Variants in STAG2 observed in about 807,000 individuals in gnomAD.
STAG2 encodes STAG2 cohesin complex component.
STAG2 carries 14 observed loss-of-function variants against 108.1 expected under a neutral mutation model. The ratio of observed to expected loss-of-function variants is 0.13; its 90% CI spans 0.09 to 0.20. The LOEUF is 0.20. Among genes scored for constraint, STAG2 ranks in the 10% least tolerant of loss-of-function variants. STAG2 has a pLI of 1.00. For synonymous variants in STAG2, 307 were observed against 302.7 expected (o/e 1.01, Z -0.15); for missense variants, 440 against 940.9 (o/e 0.47, Z 6.96).
Position 124,100,883 on chromosome X carries a change from TAAA to T in STAG2, c.*299_*301del. The T allele has an allele frequency of 6.0e-5, 10 of 167,703 alleles. No homozygotes were observed. Among genetic ancestry groups the T allele is most frequent in the East Asian group, 9.1e-5 (1 of 11,041 alleles). 13.8% of individuals were successfully genotyped at this position (167,703 alleles called of 1,213,427 possible). A position where few individuals can be genotyped will look rare whatever the true frequency, so the allele number is the denominator to read the frequency against. On this transcript the variant is annotated 3_prime_UTR_variant, in exon 35 of 35. Transcript: ENST00000371145. ...GAATCGATTATTTCATGCTTTTTTT[TAAA>T]AAAAAAAAAAAACAAAATAACAATC...
intron 13 of STAG2, among the ~76,000 whole-genome samples, chrX:124,054,606 C>T (rs930650585): frequency 4.5e-5 from 5 of 112,056 alleles, no homozygotes; most frequent in African/African-American, 1.6e-4. Context: ...CATCTTCTTT[C>T]TGATATTTTT....
chrX:124,042,089 G>A (rs1364312875), intron 6 of STAG2, among the ~76,000 whole-genome samples: 2 of 111,247 alleles, frequency 1.8e-5, no homozygotes, highest in South Asian at 3.8e-4. Context: ...CTCTTTTAGA[G>A]GATATTAGGA....
intron 25 of STAG2, among the ~76,000 whole-genome samples, chrX:124,073,612 G>A (rs891617782): frequency 1.8e-5 from 2 of 111,539 alleles, no homozygotes; most frequent in Non-Finnish European, 1.9e-5. Flanking sequence ...TAGTAGAGAC[G>A]AGGTCTCGCT....
At chrX:123,969,521 A>G (rs2054251943) in intron 1 of STAG2, among the ~76,000 whole-genome samples, 1 of 111,221 alleles carries the variant, frequency 9.0e-6, no homozygotes. Flanking sequence ...TATACTTCCT[A>G]TTTTAGTTCA....
At chrX:123,999,609 T>A (rs78161407) in intron 1 of STAG2, among the ~76,000 whole-genome samples, 3,688 of 110,833 alleles carry the variant, frequency 0.033, 63 homozygotes, top group Non-Finnish European at 0.048. Context: ...CATGTATGCC[T>A]AATTTTTTTG....
chrX:124,076,942 A>G (rs2058816181), intron 26 of STAG2, among the ~76,000 whole-genome samples: 1 of 110,700 alleles, frequency 9.0e-6, no homozygotes, highest in Admixed American at 9.8e-5. Context: ...GTCTGATTTG[A>G]TTAACCATAG....
At chrX:124,056,424 T>G (rs2058197082) in intron 14 of STAG2, among the ~76,000 whole-genome samples, 189 bp downstream of exon 14, 1 of 111,111 alleles carries the variant, frequency 9.0e-6, no homozygotes, top group East Asian at 2.8e-4. Flanking sequence ...TTGATTTATT[T>G]TAAGTTAGAT....
At chrX:123,973,549 AAAAAAAAAAAAT>A (rs2054472266) in intron 1 of STAG2, among the ~76,000 whole-genome samples, 1 of 103,515 alleles carries the variant, frequency 9.7e-6, no homozygotes, top group African/African-American at 3.6e-5. Context: ...TCAAAAAAAA[AAAAAAAAAAAAT>A]AGACTGGGCG....
chrX:124,024,350 T>C (rs1196876690), intron 3 of STAG2, among the ~76,000 whole-genome samples: 1 of 111,365 alleles, frequency 9.0e-6, no homozygotes, highest in Non-Finnish European at 1.9e-5. Flanking sequence ...ATATTACTTA[T>C]ACATCAAGAT....
chrX:123,986,107 ATG>A (rs1246479417), intron 1 of STAG2, among the ~76,000 whole-genome samples: 1 of 105,751 alleles, frequency 9.5e-6, no homozygotes, highest in African/African-American at 3.4e-5. Flanking sequence ...TCATGTATAT[ATG>A]CATGTATCTA....
chrX:123,993,202 A>G (rs1463468737), intron 1 of STAG2, among the ~76,000 whole-genome samples: 1 of 111,399 alleles, frequency 9.0e-6, no homozygotes, highest in Non-Finnish European at 1.9e-5. Context: ...ACAGTGACTC[A>G]CACCTGTAAT....
intron 1 of STAG2, among the ~76,000 whole-genome samples, chrX:124,017,008 T>C (rs968233169): frequency 9.0e-6 from 1 of 110,978 alleles, no homozygotes; most frequent in Admixed American, 9.7e-5. Context: ...GCATGTGGTG[T>C]GTGAATTTGC....
chrX:124,019,052 CTTTTTTTTT>C (rs751161706), intron 1 of STAG2, among the ~76,000 whole-genome samples: 5 of 79,902 alleles, frequency 6.3e-5, no homozygotes, highest in African/African-American at 1.5e-4. Flanking sequence ...ATTTAGCACT[CTTTTTTTTT>C]TTTTTTTTTT....
chrX:123,962,133 A>C, intron 1 of STAG2: 1 of 108,391 alleles, frequency 9.2e-6, no homozygotes, highest in African/African-American at 3.4e-5. Context: ...TTTTCACTCC[A>C]CACTTTTATT....
chrX:123,981,228 T>C (rs905711077), intron 1 of STAG2, among the ~76,000 whole-genome samples: 2 of 111,057 alleles, frequency 1.8e-5, no homozygotes, highest in Non-Finnish European at 3.8e-5. Flanking sequence ...GTGCAACCAT[T>C]GTCACCATTC....
At chrX:123,988,830 T>G (rs1328498287) in intron 1 of STAG2, among the ~76,000 whole-genome samples, 1 of 111,666 alleles carries the variant, frequency 9.0e-6, no homozygotes, top group Non-Finnish European at 1.9e-5. Context: ...GGTACTATAG[T>G]CTTGGTGGTT....
chrX:123,987,023 C>T (rs920273015), intron 1 of STAG2, among the ~76,000 whole-genome samples: 1 of 108,978 alleles, frequency 9.2e-6, no homozygotes, highest in Middle Eastern at 4.2e-3. Context: ...GACGGAGTCT[C>T]GCTCTGTCAC....
At chrX:124,088,134 G>A (rs2059151154) in intron 30 of STAG2, among the ~76,000 whole-genome samples, 1 of 111,366 alleles carries the variant, frequency 9.0e-6, no homozygotes, top group African/African-American at 3.3e-5. Context: ...ATCTGAACTA[G>A]TAGTTAATAG....
intron 1 of STAG2, among the ~76,000 whole-genome samples, chrX:123,968,558 G>T (rs1167655500): frequency 9.0e-6 from 1 of 111,363 alleles, no homozygotes; most frequent in African/African-American, 3.3e-5. Context: ...TACTGGGGAG[G>T]CTGAGGTGGG....
Sources: gnomAD v4.1 joint callset for allele counts (sites outside exome capture counted in the v4.1 genomes callset) on GRCh38, gnomAD v4.1.1 for gene constraint, MANE v1.5 for transcripts, NCBI Gene and HGNC (gene_info 2026-07-23, HGNC 2026-07-21) for gene names.